Variants in HMCN1 observed in about 807,000 individuals in gnomAD.
HMCN1 encodes the protein hemicentin-1.
HMCN1 carries 321 observed loss-of-function variants against 625.9 expected under a neutral mutation model. That is an observed-to-expected ratio of 0.51 (90% CI 0.47 to 0.56). The LOEUF is 0.56. Among genes scored for constraint, HMCN1 ranks in the 20% least tolerant of loss-of-function variants. The pLI is 0.00. For synonymous variants in HMCN1, 2,425 were observed against 2,417.6 expected (o/e 1.00, Z -0.09); for missense variants, 6,588 against 6,887.3 (o/e 0.96, Z 1.54).
At chr1:185,959,591 G>A (rs893118359) in intron 11 of HMCN1, among the ~76,000 whole-genome samples, 3 of 151,888 alleles carry the variant, frequency 2.0e-5, no homozygotes, top group Non-Finnish European at 2.9e-5. Context: ...CCATTGCTTT[G>A]GCTAGCAAAA....
intron 1 of HMCN1, among the ~76,000 whole-genome samples, chr1:185,768,782 T>G (rs911408096): frequency 9.2e-5 from 14 of 152,090 alleles, no homozygotes; most frequent in African/African-American, 3.4e-4. Flanking sequence ...CCCATCTCTA[T>G]TTATTTAAAA....
At chr1:186,003,968 G>C (rs1653372716) in intron 29 of HMCN1, 124 bp downstream of exon 29, 1 of 936,724 alleles carries the variant, frequency 1.1e-6, no homozygotes, top group South Asian at 1.5e-5. Context: ...GAGCATACAG[G>C]AAAAACAATA....
chr1:186,151,138 C>T (rs1650636508), intron 93 of HMCN1, 62 bp from the exon 94 acceptor site: 3 of 1,543,858 alleles, frequency 1.9e-6, no homozygotes, highest in African/African-American at 2.7e-5. Context: ...GCCCTCTTTT[C>T]TCCCATGTAA....
At chr1:186,080,091 T>G (rs1659074487) in intron 55 of HMCN1, among the ~76,000 whole-genome samples, 1 of 152,232 alleles carries the variant, frequency 6.6e-6, no homozygotes, top group Non-Finnish European at 1.5e-5. Flanking sequence ...AAACTCAAGT[T>G]TATTATTTAG....
intron 29 of HMCN1, among the ~76,000 whole-genome samples, chr1:186,004,418 G>T (rs968560515): frequency 6.6e-6 from 1 of 152,040 alleles, no homozygotes; most frequent in Non-Finnish European, 1.5e-5. Flanking sequence ...AAATAGTCAA[G>T]ATTTGTGGTA....
chr1:186,046,770 G>A (rs1329682959), intron 41 of HMCN1, among the ~76,000 whole-genome samples: 1 of 152,098 alleles, frequency 6.6e-6, no homozygotes, highest in East Asian at 1.9e-4. Flanking sequence ...TGAATGTTTG[G>A]AAATAATGTT....
intron 36 of HMCN1, among the ~76,000 whole-genome samples, chr1:186,026,018 A>G (rs1655036948): frequency 6.6e-6 from 1 of 152,244 alleles, no homozygotes; most frequent in Admixed American, 6.5e-5. Flanking sequence ...TCAGCCTGGA[A>G]GAAGCAGTTG....
Position 186,128,277 on chromosome 1 carries a change from A to G in HMCN1, c.12890A>G (p.Asn4297Ser). ...CCCAAATTAACATGGACCTTCAATA[A>G]CAATATTATTCCAGGTTGGTCATTT... ...PLPKLTWTFN[N>S]NIIPAHFDSV... The change falls in exon 83 of 107, where the codon AAC (asparagine) becomes AGC (serine). Residue 4297 changes from asparagine to serine, a missense_variant. By Grantham distance (46) the Asn-to-Ser change is conservative. Around this residue, in one of 3 missense-constraint regions of HMCN1, gnomAD observed 1,954 missense variants for 2,013.1 expected, o/e 0.97. Transcript: ENST00000271588. 1 of 1,612,928 alleles carries G rather than the reference A, an allele frequency of 6.2e-7. No individual in the cohort carries two copies. The highest frequency in any genetic ancestry group is 8.5e-7 in the Non-Finnish European group (1 of 1,179,264).
At chr1:186,178,240 G>A (rs1652718723) in intron 103 of HMCN1, among the ~76,000 whole-genome samples, 176 bp from the exon 104 acceptor site, 1 of 152,164 alleles carries the variant, frequency 6.6e-6, no homozygotes, top group Admixed American at 6.6e-5. Flanking sequence ...GTTCATAACT[G>A]AATGATTAAA....
intron 26 of HMCN1, 24 bp downstream of exon 26, chr1:186,000,263 A>T: frequency 8.3e-6 from 13 of 1,563,296 alleles, no homozygotes; most frequent in Non-Finnish European, 1.1e-5. Flanking sequence ...AAATCATGTA[A>T]CTGACTGTTT....
rs1373948980 is a variant in HMCN1 at position 185,788,971 on chromosome 1, G to A, written c.268+53924G>A. Among the ~76,000 whole-genome samples the A allele has an allele frequency of 2.0e-5, 3 of 152,064 alleles. 1 individual carries two copies. The South Asian group carries it at 6.2e-4, about 32-fold the overall frequency. ...GTTTTCTGAGAAATTACAAAATAAG[G>A]TAAAGTTTTATAAGCATTTTGAGAT... On this transcript the variant is annotated intron_variant, in intron 1 of 106. Coordinates refer to ENST00000271588, the MANE Select transcript of HMCN1 (RefSeq NM_031935.3).
chr1:186,136,808 C>CG lies in HMCN1; in HGVS notation c.13456dup (p.Val4486GlyfsTer2). 6.2e-7 allele frequency: 1 copy of CG among 1,613,964 alleles called. No homozygotes were observed. The highest frequency in any genetic ancestry group is 8.5e-7 in the Non-Finnish European group (1 of 1,179,948). ...AGGGCACTCTATTTCCTGGGATGAC[C>CG]GGGTTAACGTGTTGTCCAACAACTC... On this transcript the variant is annotated frameshift_variant, in exon 87 of 107. Coordinates refer to ENST00000271588, the MANE Select transcript of HMCN1 (RefSeq NM_031935.3). LOFTEE classifies it high-confidence loss of function.
intron 103 of HMCN1, among the ~76,000 whole-genome samples, chr1:186,178,209 G>A (rs1437992522): frequency 6.6e-6 from 1 of 152,146 alleles, no homozygotes; most frequent in African/African-American, 2.4e-5. Context: ...TTTAGGGGGA[G>A]ATTTGCAGAA....
intron 4 of HMCN1, among the ~76,000 whole-genome samples, chr1:185,889,829 T>A (rs989260413): frequency 7.0e-6 from 1 of 143,112 alleles, no homozygotes; most frequent in East Asian, 1.9e-4. Flanking sequence ...CCTCATAAAA[T>A]GAGTTAGGGA....
chr1:185,847,327 G>A (rs1661883358), intron 2 of HMCN1, among the ~76,000 whole-genome samples: 1 of 152,186 alleles, frequency 6.6e-6, no homozygotes, highest in South Asian at 2.1e-4. Context: ...TAACTCAAAT[G>A]GACTCTTAAT....
intron 1 of HMCN1, among the ~76,000 whole-genome samples, chr1:185,841,396 A>G (rs2102309173): frequency 6.6e-6 from 1 of 152,312 alleles, no homozygotes. Context: ...AAGTGAATAA[A>G]CCATTTTGGT....
Position 186,076,602 on chromosome 1 carries a change from A to C in HMCN1, c.8465A>C (p.Asp2822Ala), listed in dbSNP as rs780488532. The C allele has an allele frequency of 1.9e-6, 3 of 1,613,604 alleles. No individual in the cohort carries two copies. Among genetic ancestry groups the C allele is most frequent in the Non-Finnish European group, 2.5e-6 (3 of 1,179,760 alleles). ...YKDGHPLTSS[D>A]KVLILPGGRV... ...GATGGCCACCCTCTGACCTCAAGTG[A>C]TAAAGTATTGATTTTGCCAGGTAAA... The change falls in exon 54 of 107, where the codon GAT (aspartate) becomes GCT (alanine). Residue 2822 changes from aspartate (D) to alanine (A), a missense_variant. Physicochemically the swap from Asp to Ala is moderately radical, Grantham distance 126. Transcript: ENST00000271588.
At position 186,000,073 on chromosome 1, in the gene HMCN1, A is replaced by G; in HGVS notation, c.3903A>G (p.Leu1301=). Residue 1301 remains leucine (L), a synonymous_variant, in exon 26 of 107, where the codon TTA becomes TTG. Transcript: ENST00000271588. ...CCCCTAAACCAACCATCAAATGGTT[A>G]CACAATGGTAGAGAGTTGACAGGCA... is the stretch of plus-strand genomic sequence containing the variant. ...KGTPKPTIKW[L]HNGRELTGRE... The G allele has an allele frequency of 6.2e-7, 1 of 1,612,914 alleles. No individual in the cohort carries two copies. The highest frequency in any genetic ancestry group is 8.5e-7 in the Non-Finnish European group (1 of 1,179,282).
intron 1 of HMCN1, among the ~76,000 whole-genome samples, chr1:185,775,483 A>G (rs896224932): frequency 2.0e-5 from 3 of 152,160 alleles, no homozygotes; most frequent in Admixed American, 6.5e-5. Flanking sequence ...TTGAACTGGG[A>G]ACTATTTTGA....
Sources: allele counts gnomAD v4.1 joint callset (sites outside exome capture counted in the v4.1 genomes callset), GRCh38; gene constraint gnomAD v4.1.1; regional missense constraint gnomAD v4.1.1; transcripts MANE v1.5; gene names NCBI Gene and HGNC (gene_info 2026-07-23, HGNC 2026-07-21).